NAV2: variants seen among roughly 807,000 people sequenced by gnomAD.
The protein encoded by NAV2 is helicase, APC down-regulated 1.
In NAV2, 54 loss-of-function variants were observed where a neutral mutation model predicts 223.2. That is an observed-to-expected ratio of 0.24 (90% CI 0.19 to 0.30). NAV2 has a LOEUF of 0.30. Among genes scored for constraint, NAV2 ranks in the 10% least tolerant of loss-of-function variants. The probability of loss-of-function intolerance (pLI) is 1.00; values close to 1 mark genes in which losing one functional copy is unlikely to be tolerated. For synonymous variants in NAV2, 1,279 were observed against 1,239.3 expected (o/e 1.03, Z -0.67); for missense variants, 2,806 against 3,147.5 (o/e 0.89, Z 2.60).
At chr11:19,597,980 C>T (rs887520681) in intron 1 of NAV2, among the ~76,000 whole-genome samples, 50 of 152,250 alleles carry the variant, frequency 3.3e-4, no homozygotes, top group African/African-American at 1.2e-3. Flanking sequence ...GCATTCTCTG[C>T]ACAGAGAGAC....
intron 11 of NAV2, among the ~76,000 whole-genome samples, chr11:20,001,086 C>G (rs1432198562): frequency 6.6e-6 from 1 of 152,174 alleles, no homozygotes; most frequent in African/African-American, 2.4e-5. Context: ...CCCGCCTCGT[C>G]CCCAACATCT....
chr11:20,094,303 C>T (rs916844286), intron 29 of NAV2, among the ~76,000 whole-genome samples: 1 of 139,984 alleles, frequency 7.1e-6, no homozygotes, highest in Non-Finnish European at 1.5e-5. Flanking sequence ...GATCTTGGCT[C>T]ACTGCAACCT....
intron 1 of NAV2, among the ~76,000 whole-genome samples, chr11:19,581,536 G>A (rs1250320933): frequency 2.0e-5 from 3 of 151,940 alleles, no homozygotes; most frequent in Non-Finnish European, 4.4e-5. Flanking sequence ...CCCACAACAG[G>A]CCCCAGTGTG....
At chr11:19,353,786 T>C (rs1590036978) in intron 1 of NAV2, among the ~76,000 whole-genome samples, 1 of 152,348 alleles carries the variant, frequency 6.6e-6, no homozygotes, top group South Asian at 2.1e-4. Context: ...CTGAATGTTA[T>C]AGAAGAATAC....
chr11:19,822,035 C>CA (rs1216644630), intron 1 of NAV2, among the ~76,000 whole-genome samples: 3 of 152,204 alleles, frequency 2.0e-5, no homozygotes, highest in African/African-American at 7.2e-5. Context: ...ATAATATCTC[C>CA]CACAGAGGTG....
intron 11 of NAV2, among the ~76,000 whole-genome samples, chr11:20,004,581 T>C (rs2052867538): frequency 6.6e-6 from 1 of 152,162 alleles, no homozygotes; most frequent in African/African-American, 2.4e-5. Context: ...TTACAGTGAC[T>C]TTTTTCAGAG....
At chr11:19,726,439 G>C (rs2051261557) in intron 1 of NAV2, among the ~76,000 whole-genome samples, 1 of 152,158 alleles carries the variant, frequency 6.6e-6, no homozygotes, top group Admixed American at 6.5e-5. Context: ...ACGCCTCAGG[G>C]CCTTTGCACT....
intron 10 of NAV2, 106 bp downstream of exon 10, chr11:19,949,186 C>A: frequency 7.9e-7 from 1 of 1,259,558 alleles, no homozygotes; most frequent in Non-Finnish European, 1.1e-6. Flanking sequence ...TCAAACTGCC[C>A]ACCTGAGTTT....
At chr11:19,453,080 G>A (rs1851844593) in intron 1 of NAV2, among the ~76,000 whole-genome samples, 1 of 152,156 alleles carries the variant, frequency 6.6e-6, no homozygotes, top group South Asian at 2.1e-4. Flanking sequence ...TTTGAACCCA[G>A]GCAATCTGAC....
At chr11:19,707,619 A>G (rs186660578) in intron 1 of NAV2, among the ~76,000 whole-genome samples, 101 of 152,346 alleles carry the variant, frequency 6.6e-4, no homozygotes, top group African/African-American at 2.3e-3. Flanking sequence ...TTTACAGTTA[A>G]TGTTTTTAAG....
At chr11:19,443,662 A>T (rs1851481759) in intron 1 of NAV2, among the ~76,000 whole-genome samples, 1 of 152,178 alleles carries the variant, frequency 6.6e-6, no homozygotes, top group African/African-American at 2.4e-5. Flanking sequence ...AAGAGTGTTT[A>T]CACTGCTCAA....
chr11:19,572,094 G>A (rs867122356), intron 1 of NAV2, among the ~76,000 whole-genome samples: 38 of 152,330 alleles, frequency 2.5e-4, no homozygotes, highest in South Asian at 2.1e-4. Flanking sequence ...GGGTGCAGAT[G>A]GGAAGATGCT....
At chr11:19,505,816 G>C (rs563054465) in intron 1 of NAV2, 11 of 152,294 alleles carry the variant, frequency 7.2e-5, no homozygotes, top group African/African-American at 2.6e-4. Flanking sequence ...TAGAGCCTGG[G>C]GCAAAAATTG....
chr11:19,362,200 C>G (rs1853992211), intron 1 of NAV2, among the ~76,000 whole-genome samples: 1 of 152,168 alleles, frequency 6.6e-6, no homozygotes, highest in Non-Finnish European at 1.5e-5. Flanking sequence ...AGTTAGGTAA[C>G]TTTCTTATAA....
chr11:19,587,808 G>A lies in NAV2; in HGVS notation c.75+236781G>A, dbSNP rs75139745. On this transcript the variant is annotated intron_variant, in intron 1 of 37. Coordinates refer to the NAV2 transcript ENST00000360655. ...ACAAGAAGGTACCACAATGTATAAA[G>A]GCACCAACACAATAGAAATTTAGTT... 3.0e-4 allele frequency among the ~76,000 whole-genome samples: 46 copies of A among 152,272 alleles called. 1 individual carries two copies. In the East Asian group the frequency reaches 8.9e-3, roughly 29 times the overall value.
At chr11:20,080,030 G>A in intron 24 of NAV2, 34 bp from the exon 25 acceptor site, 1 of 1,609,668 alleles carries the variant, frequency 6.2e-7, no homozygotes. Flanking sequence ...GGCTCAGGTT[G>A]GCAGCTGCTG....
chr11:19,944,556 CT>C (rs970722945), intron 8 of NAV2, among the ~76,000 whole-genome samples: 12 of 145,188 alleles, frequency 8.3e-5, no homozygotes, highest in African/African-American at 3.2e-4. Flanking sequence ...CATTTCTTTT[CT>C]TTCCCTTTCC....
At chr11:20,077,742 G>A in intron 23 of NAV2, 107 bp downstream of exon 23, 2 of 965,918 alleles carry the variant, frequency 2.1e-6, no homozygotes, top group African/African-American at 1.6e-5. Flanking sequence ...TGTATTTCTT[G>A]AACTGTTAAA....
intron 1 of NAV2, among the ~76,000 whole-genome samples, chr11:19,471,305 A>G (rs2041957981): frequency 6.6e-6 from 1 of 152,192 alleles, no homozygotes; most frequent in Non-Finnish European, 1.5e-5. Flanking sequence ...TGGAAACAGT[A>G]ATACTCACAT....
Sources: gnomAD v4.1 joint callset for allele counts (sites outside exome capture counted in the v4.1 genomes callset) on GRCh38, gnomAD v4.1.1 for gene constraint, MANE v1.5 for transcripts, NCBI Gene and HGNC (gene_info 2026-07-23, HGNC 2026-07-21) for gene names.